CES3: variants seen among roughly 807,000 people sequenced by gnomAD.
CES3 encodes carboxylesterase 3 (brain).
In CES3, 49 loss-of-function variants were observed where a neutral mutation model predicts 57.6. That is an observed-to-expected ratio of 0.85 (90% confidence interval 0.68 to 1.08). CES3 has a LOEUF of 1.08. CES3 is among the 50% of genes least tolerant of loss of function. The pLI, the probability that CES3 is intolerant of heterozygous loss-of-function variation, is 0.00. For missense variants in CES3, 645 were observed against 742.0 expected, an observed-to-expected ratio of 0.87 and a Z score of 1.52; for synonymous variants, 266 against 281.6, an observed-to-expected ratio of 0.94 and a Z score of 0.55.
intron 8 of CES3, among the ~76,000 whole-genome samples, chr16:66,968,237 G>A (rs1047474788): frequency 1.3e-5 from 2 of 152,038 alleles, no homozygotes; most frequent in Admixed American, 6.6e-5. Flanking sequence ...TTAGCTCACC[G>A]CACTGCAACC....
rs1301962705 is a variant in CES3 at position 66,964,670 on chromosome 16, G to GT, written c.762_763insT (p.Ser255Ter). 6.2e-7 allele frequency: 1 copy of GT among 1,613,960 alleles called. No individual in the cohort carries two copies. The highest frequency in any genetic ancestry group is 1.7e-5 in the Admixed American group (1 of 59,992). ...GGCTGTTCCACAGAGCCATCACACAGAGTGGGGTCATCACCACCCCAGGGA... is the reference window on the plus strand; with the variant it reads ...GGCTGTTCCACAGAGCCATCACACAGTAGTGGGGTCATCACCACCCCAGGGA... On this transcript the variant is annotated frameshift_variant, in exon 6 of 13. Transcript: ENST00000303334. LOFTEE classifies it high-confidence loss of function.
At chr16:66,964,069 G>A in intron 4 of CES3, 134 bp downstream of exon 4, 1 of 1,359,044 alleles carries the variant, frequency 7.4e-7, no homozygotes, top group African/African-American at 1.4e-5. Flanking sequence ...GGCAGAGAAG[G>A]GCACCCCCCA....
At chr16:66,967,389 A>G in intron 8 of CES3, 2 of 532,838 alleles carry the variant, frequency 3.8e-6, no homozygotes, top group South Asian at 1.6e-4. Flanking sequence ...TTTTTGCACA[A>G]ACTGGCCTTC....
intron 5 of CES3, 53 bp downstream of exon 5, chr16:66,964,563 C>T (rs1396725087): frequency 1.9e-6 from 3 of 1,611,576 alleles, no homozygotes; most frequent in African/African-American, 1.3e-5. Flanking sequence ...CCGGTGGTCT[C>T]AGAACTCCCA....
In CES3 at chr16:66,969,615, A is replaced by G; in HGVS notation, c.1063-64A>G. 2.0e-6 allele frequency: 3 copies of G among 1,512,600 alleles called. No individual in the cohort carries two copies. The South Asian group carries it at 3.5e-5, about 18-fold the overall frequency. 93.7% of individuals were successfully genotyped at this position (1,512,600 alleles called of 1,614,324 possible). On this transcript the variant is annotated intron_variant, in intron 8 of 12. Coordinates refer to ENST00000303334, the MANE Select transcript of CES3 (RefSeq NM_024922.6). Reference sequence around the variant, plus strand: ...CAGGACCGTGAACACTCTCTTGCCCAGGGCTGGGAGTCGGGGTGAGCCGGT... The same window carrying G: ...CAGGACCGTGAACACTCTCTTGCCCGGGGCTGGGAGTCGGGGTGAGCCGGT...
At chr16:66,968,842 A>G (rs1166032185) in intron 8 of CES3, among the ~76,000 whole-genome samples, 1 of 152,108 alleles carries the variant, frequency 6.6e-6, no homozygotes, top group Non-Finnish European at 1.5e-5. Context: ...TGAACCCAGG[A>G]GGCAGAGGCT....
rs764082940 is a variant in CES3, at chr16:66,971,272, A to G, written c.1244A>G (p.Asp415Gly). 6.2e-7 allele frequency: 1 copy of G among 1,614,112 alleles called. No homozygotes were observed. Among genetic ancestry groups the G allele is most frequent in the Non-Finnish European group, 8.5e-7 (1 of 1,179,986 alleles). ...KCQAFQEFMGDVFINVPTVSF... is the reference protein window; with the variant it reads ...KCQAFQEFMGGVFINVPTVSF... ...CAGGCGTTCCAGGAATTCATGGGTG[A>G]CGTATTCATCAATGTTCCCACCGTC... The change falls in exon 10 of 13, where the codon GAC becomes GGC. Residue 415 changes from aspartate (D) to glycine (G), a missense_variant. Physicochemically the swap from Asp to Gly is moderately conservative, Grantham distance 94. Transcript: ENST00000303334.
At chr16:66,967,003 A>G (rs1277794911) in intron 8 of CES3, 138 bp downstream of exon 8, 5 of 1,079,210 alleles carry the variant, frequency 4.6e-6, no homozygotes, top group Non-Finnish European at 6.6e-6. Flanking sequence ...AGGCCCAGAA[A>G]GGTTTGAGGG....
In CES3 at chr16:66,966,249, C is replaced by T. The variant is rs551889655; in HGVS notation, c.825C>T (p.Ile275=). ...ACTCTTTCATTTGTCCCCAGAAAAT[C>T]GCAAACACCTTGGCCTGCAGCTCCA... is the stretch of plus-strand genomic sequence containing the variant. The part of the protein sequence containing the change: ...DSHPWPLAQK[I]ANTLACSSSS... The change falls in exon 7 of 13, where the codon ATC becomes ATT. Residue 275 remains isoleucine (I), a synonymous_variant. Transcript: ENST00000303334. The T allele has an allele frequency of 1.8e-4, 296 of 1,612,940 alleles. 1 individual carries two copies. In the South Asian group the frequency reaches 3.0e-3, roughly 16 times the overall value.
chr16:66,973,047 T>C lies in CES3; in HGVS notation c.1714T>C (p.Ter572ArgextTer4). ...GAACAGGAAGGCCCAGGAGGACCTC[T>C]GAGGCCAGGCCTGAACCTTCTTGGC... is the stretch of plus-strand genomic sequence containing the variant. ...QKNRKAQEDL[*>R] The change falls in exon 13 of 13, where the codon TGA (stop) becomes CGA (arginine). Residue 572 changes from the stop codon to arginine (R), a stop_lost. Coordinates refer to ENST00000303334, the MANE Select transcript of CES3 (RefSeq NM_024922.6). 1 of 1,613,506 alleles carries C rather than the reference T, an allele frequency of 6.2e-7. No individual in the cohort carries two copies. The highest frequency in any genetic ancestry group is 8.5e-7 in the Non-Finnish European group (1 of 1,179,782).
intron 9 of CES3, 85 bp downstream of exon 9, chr16:66,969,844 C>A: frequency 8.0e-7 from 1 of 1,242,926 alleles, no homozygotes; most frequent in Non-Finnish European, 1.1e-6. Flanking sequence ...GTCTCTGCCC[C>A]TACCTTCCGA....
At position 66,972,834 on chromosome 16, in the gene CES3, C is replaced by T. The variant is rs1963863394; in HGVS notation, c.1521-20C>T. 2 of 1,613,910 alleles carry T rather than the reference C, an allele frequency of 1.2e-6. No homozygotes were observed. Among genetic ancestry groups the T allele is most frequent in the African/African-American group, 2.7e-5 (2 of 75,056 alleles). On this transcript the variant is annotated intron_variant, in intron 12 of 12. Transcript: ENST00000303334. ...GGACAGCACAGGAAGCCTTGGTCCTCATTCATTCCTCCCACCCAGGGACCC... is the reference window on the plus strand; with the variant it reads ...GGACAGCACAGGAAGCCTTGGTCCTTATTCATTCCTCCCACCCAGGGACCC...
At chr16:66,972,217 G>A (rs1321258946) in intron 10 of CES3, 139 bp from the exon 11 acceptor site, 2 of 852,054 alleles carry the variant, frequency 2.3e-6, no homozygotes, top group Non-Finnish European at 3.5e-6. Context: ...CAAGCGCTCA[G>A]TAAATGTTTG....
rs1963738684 is a variant in CES3 at position 66,966,785 on chromosome 16, C to T, written c.982C>T (p.Leu328Phe). The change falls in exon 8 of 13, where the codon CTC (leucine) becomes TTC (phenylalanine). Residue 328 changes from leucine (L) to phenylalanine (F), a missense_variant. Physicochemically the swap from Leu to Phe is conservative, Grantham distance 22. Coordinates refer to ENST00000303334, the MANE Select transcript of CES3 (RefSeq NM_024922.6). ...TGTCTTCCCCAAAAGCCCCAAGGAACTCCTGAAGGAGAAGCCCTTCCACTC... is the reference window on the plus strand; with the variant it reads ...TGTCTTCCCCAAAAGCCCCAAGGAATTCCTGAAGGAGAAGCCCTTCCACTC... The part of the protein sequence containing the change: ...GTVFPKSPKE[L>F]LKEKPFHSVP... 1 of 1,614,078 alleles carries T rather than the reference C, an allele frequency of 6.2e-7. No individual in the cohort carries two copies.
At position 66,964,664 on chromosome 16, in the gene CES3, CACA is replaced by C. The variant is rs1567555913; in HGVS notation, c.757_759del (p.Thr253del). The C allele has an allele frequency of 6.2e-7, 1 of 1,613,982 alleles. No individual in the cohort carries two copies. The highest frequency in any genetic ancestry group is 1.7e-5 in the Admixed American group (1 of 59,994). ...CTGCAGGGCTGTTCCACAGAGCCATCACACAGAGTGGGGTCATCACCACCCCAG... is the reference window on the plus strand; with the variant it reads ...CTGCAGGGCTGTTCCACAGAGCCATCCAGAGTGGGGTCATCACCACCCCAG... On this transcript the variant is annotated inframe_deletion, in exon 6 of 13. Coordinates refer to ENST00000303334, the MANE Select transcript of CES3 (RefSeq NM_024922.6).
chr16:66,962,811 C>T (rs1284178803), intron 1 of CES3, among the ~76,000 whole-genome samples: 4 of 152,200 alleles, frequency 2.6e-5, no homozygotes, highest in Non-Finnish European at 4.4e-5. Flanking sequence ...GCCCTGGAGT[C>T]GCTTGAACTC....
intron 8 of CES3, among the ~76,000 whole-genome samples, chr16:66,968,260 G>A (rs533369045): frequency 3.1e-3 from 468 of 152,262 alleles, no homozygotes; most frequent in Non-Finnish European, 5.4e-3. Flanking sequence ...TGCCTCCCAG[G>A]TTCAAGCGAT....
chr16:66,965,420 C>T (rs760500864), intron 6 of CES3, among the ~76,000 whole-genome samples: 135 of 152,254 alleles, frequency 8.9e-4, no homozygotes, highest in African/African-American at 2.3e-3. Flanking sequence ...ATAGAGCCAT[C>T]GGGGAGAGAG....
Position 66,966,301 on chromosome 16 carries a change from C to T in CES3, c.877C>T (p.Leu293Phe). 1 of 1,613,794 alleles carries T rather than the reference C, an allele frequency of 6.2e-7. No individual in the cohort carries two copies. The highest frequency in any genetic ancestry group is 8.5e-7 in the Non-Finnish European group (1 of 1,180,004). ...SSSPAEMVQCLQQKEGEELVL... is the reference protein window; with the variant it reads ...SSSPAEMVQCFQQKEGEELVL... The stretch of plus-strand genomic sequence containing the variant: ...CTCCCCGGCTGAGATGGTGCAGTGC[C>T]TTCAGCAGAAAGAAGGAGAAGAGCT... The change falls in exon 7 of 13, where the codon CTT becomes TTT. Residue 293 changes from leucine to phenylalanine, a missense_variant. By Grantham distance (22) the Leu-to-Phe change is conservative (BLOSUM62 0). Coordinates refer to ENST00000303334, the MANE Select transcript of CES3 (RefSeq NM_024922.6).
Sources: gnomAD v4.1 joint callset for allele counts (sites outside exome capture counted in the v4.1 genomes callset) on GRCh38, gnomAD v4.1.1 for gene constraint, MANE v1.5 for transcripts, NCBI Gene and HGNC (gene_info 2026-07-23, HGNC 2026-07-21) for gene names.